VAC14: variants seen among roughly 807,000 people sequenced by gnomAD.
The protein encoded by VAC14 is VAC14 component of PIKFYVE complex.
VAC14 carries 47 observed loss-of-function variants against 85.3 expected under a neutral mutation model. That is an observed-to-expected ratio of 0.55 (90% CI 0.44 to 0.70). The LOEUF (loss-of-function observed/expected upper bound fraction) is 0.70, where lower values mean the gene tolerates loss of function less well. VAC14 is among the 30% of genes least tolerant of loss of function. VAC14 has a pLI of 0.00. For missense variants in VAC14, 861 were observed against 1,004.3 expected (o/e 0.86, Z 1.93); for synonymous variants, 447 against 430.5 (o/e 1.04, Z -0.47).
At chr16:70,706,929 AAT>A (rs2053931453) in intron 14 of VAC14, among the ~76,000 whole-genome samples, 7 of 152,228 alleles carry the variant, frequency 4.6e-5, no homozygotes, top group Admixed American at 4.6e-4. Flanking sequence ...GGTGCAACCT[AAT>A]ATCAAGGCTA....
chr16:70,732,328 C>G (rs1343481911), intron 13 of VAC14, among the ~76,000 whole-genome samples: 1 of 152,224 alleles, frequency 6.6e-6, no homozygotes, highest in East Asian at 1.9e-4. Context: ...TGAAAACTTT[C>G]AAAGCCTGAG....
intron 13 of VAC14, among the ~76,000 whole-genome samples, chr16:70,739,240 A>G (rs1209855107): frequency 6.6e-6 from 1 of 152,208 alleles, no homozygotes; most frequent in African/African-American, 2.4e-5. Context: ...CTGTGAATCT[A>G]GATCCCTCTG....
chr16:70,754,779 A>G (rs1261211000), intron 12 of VAC14, among the ~76,000 whole-genome samples: 3 of 152,084 alleles, frequency 2.0e-5, no homozygotes, highest in East Asian at 1.9e-4. Context: ...GATTTTAAAG[A>G]TATCTGTGGA....
At chr16:70,721,899 G>A (rs1255714056) in intron 14 of VAC14, among the ~76,000 whole-genome samples, 1 of 152,078 alleles carries the variant, frequency 6.6e-6, no homozygotes, top group Non-Finnish European at 1.5e-5. Flanking sequence ...TCACCATCAG[G>A]CCATCACTCT....
At chr16:70,744,325 G>T in intron 13 of VAC14, 98 bp downstream of exon 13, 1 of 1,508,286 alleles carries the variant, frequency 6.6e-7, no homozygotes, top group Non-Finnish European at 8.9e-7. Context: ...GAGCTCCAGA[G>T]CTCCTGAGCA....
At chr16:70,702,713 C>T (rs1376281517) in intron 14 of VAC14, among the ~76,000 whole-genome samples, 1 of 152,222 alleles carries the variant, frequency 6.6e-6, no homozygotes, top group Non-Finnish European at 1.5e-5. Flanking sequence ...TTACTACAGG[C>T]AAGGCTCAGG....
At chr16:70,743,929 C>T (rs779174523) in intron 13 of VAC14, among the ~76,000 whole-genome samples, 30 of 152,114 alleles carry the variant, frequency 2.0e-4, no homozygotes, top group Non-Finnish European at 8.8e-5. Flanking sequence ...GGGGGTGCTA[C>T]GGCCACCTTT....
chr16:70,765,332 G>A (rs549948604), intron 10 of VAC14, among the ~76,000 whole-genome samples: 145 of 152,282 alleles, frequency 9.5e-4, no homozygotes, highest in Non-Finnish European at 1.7e-3. Flanking sequence ...GGAGGAGGGC[G>A]GTGCCGTGAC....
At chr16:70,691,051 C>T in intron 18 of VAC14, 1 of 985,482 alleles carries the variant, frequency 1.0e-6, no homozygotes, top group Non-Finnish European at 1.2e-6. Context: ...ATCCACTGAC[C>T]CTCAGAATCT....
At position 70,772,163 on chromosome 16, in the gene VAC14, T is replaced by C; in HGVS notation, c.1106A>G (p.Asp369Gly). The C allele has an allele frequency of 6.2e-7, 1 of 1,614,022 alleles. No individual in the cohort carries two copies. Among genetic ancestry groups the C allele is most frequent in the Non-Finnish European group, 8.5e-7 (1 of 1,179,992 alleles). ...ACTGAAGCTGGAGTCACAGGAACCA[T>C]CTGGACCTCCTGGGAGAGGAAGAGG... ...KQEGTASGGP[D>G]GSCDSSFSSG... The change falls in exon 10 of 19, where the codon GAT (aspartate) becomes GGT (glycine). Residue 369 changes from aspartate to glycine, a missense_variant. Transcript: ENST00000261776.
chr16:70,690,342 C>G, intron 18 of VAC14: 1 of 985,670 alleles, frequency 1.0e-6, no homozygotes, highest in Non-Finnish European at 1.2e-6. Context: ...GATGGCTGCT[C>G]TCAGGCCCTG....
intron 18 of VAC14, chr16:70,690,545 G>A: frequency 2.0e-6 from 2 of 985,596 alleles, no homozygotes; most frequent in African/African-American, 3.5e-5. Context: ...GAGTGGCCCA[G>A]AAGCCAGGGG....
At chr16:70,787,689 G>A (rs565123993) in intron 1 of VAC14, among the ~76,000 whole-genome samples, 47 of 152,330 alleles carry the variant, frequency 3.1e-4, no homozygotes, top group East Asian at 1.4e-3. Context: ...GGATGGAGCC[G>A]GATCTTCAAG....
intron 12 of VAC14, chr16:70,744,938 G>A: frequency 4.7e-6 from 1 of 211,288 alleles, no homozygotes; most frequent in Non-Finnish European, 9.5e-6. Flanking sequence ...TGCACAGTGT[G>A]CACTTCAAGG....
At chr16:70,749,593 A>G (rs2031210582) in intron 12 of VAC14, among the ~76,000 whole-genome samples, 1 of 152,202 alleles carries the variant, frequency 6.6e-6, no homozygotes, top group Non-Finnish European at 1.5e-5. Flanking sequence ...GCACCCCTCC[A>G]GCACTTTAAA....
At chr16:70,731,307 G>A in intron 14 of VAC14, 188 bp downstream of exon 14, 1 of 1,436,944 alleles carries the variant, frequency 7.0e-7, no homozygotes, top group Non-Finnish European at 9.1e-7. Flanking sequence ...TGACCTGTCT[G>A]TTTCATGTCA....
chr16:70,707,080 G>A (rs1482231590), intron 14 of VAC14, among the ~76,000 whole-genome samples: 4 of 152,218 alleles, frequency 2.6e-5, no homozygotes, highest in African/African-American at 9.6e-5. Flanking sequence ...GATAGGGAGA[G>A]GAGGGAGTAG....
intron 9 of VAC14, among the ~76,000 whole-genome samples, chr16:70,776,519 T>C (rs2033526155): frequency 6.6e-6 from 1 of 152,244 alleles, no homozygotes; most frequent in African/African-American, 2.4e-5. Context: ...ACTAACTCTT[T>C]AATGACAAAA....
At chr16:70,800,775 G>A (rs2034761884) in intron 1 of VAC14, 22 bp downstream of exon 1, 3 of 1,596,552 alleles carry the variant, frequency 1.9e-6, no homozygotes, top group East Asian at 4.5e-5. Context: ...CATAGCCAGG[G>A]AGGGGTCCTG....
Sources: allele counts gnomAD v4.1 joint callset (sites outside exome capture counted in the v4.1 genomes callset), GRCh38; gene constraint gnomAD v4.1.1; transcripts MANE v1.5; gene names NCBI Gene and HGNC (gene_info 2026-07-23, HGNC 2026-07-21).